The following CDH18 variants were observed in gnomAD, a reference collection of about 807,000 sequenced individuals.
CDH18 encodes the protein cadherin 18, also known as cadherin-18.
CDH18 carries 31 observed loss-of-function variants against 67.9 expected under a neutral mutation model. That is an observed-to-expected ratio of 0.46 (90% CI 0.34 to 0.62). CDH18 has a LOEUF of 0.62. Ranked by LOEUF, CDH18 falls within the 20% of genes least tolerant of loss-of-function variation. CDH18 has a pLI of 0.01. For missense variants in CDH18, 890 were observed against 975.5 expected, an observed-to-expected ratio of 0.91 and a Z score of 1.17; for synonymous variants, 362 against 347.2, an observed-to-expected ratio of 1.04 and a Z score of -0.48.
chr5:19,514,943 T>C (rs182658483), intron 10 of CDH18, among the ~76,000 whole-genome samples: 3,636 of 152,264 alleles, frequency 0.024, 71 homozygotes, highest in Non-Finnish European at 0.037. Context: ...CTGAATGGAA[T>C]TGCCTAGGTT....
At chr5:20,239,730 T>C (rs569085360) in intron 2 of CDH18, among the ~76,000 whole-genome samples, 5 of 152,230 alleles carry the variant, frequency 3.3e-5, no homozygotes, top group Middle Eastern at 3.4e-3. Flanking sequence ...ATATTTATAG[T>C]TAAGTGAGAA....
chr5:20,135,958 A>G (rs2126498271), intron 2 of CDH18, among the ~76,000 whole-genome samples: 2 of 152,282 alleles, frequency 1.3e-5, no homozygotes, highest in East Asian at 3.9e-4. Flanking sequence ...TCTGAGAGAC[A>G]GTTTGTTATA....
intron 1 of CDH18, among the ~76,000 whole-genome samples, chr5:20,434,810 C>T (rs557434778): frequency 5.3e-5 from 8 of 151,874 alleles, no homozygotes; most frequent in Non-Finnish European, 7.4e-5. Context: ...GTTTCAGAGA[C>T]GCCACAAGCA....
intron 5 of CDH18, among the ~76,000 whole-genome samples, chr5:19,719,903 GAGAA>G (rs35867851): frequency 0.13 from 16,714 of 130,776 alleles, 1,116 homozygotes; most frequent in Admixed American, 0.17. Context: ...AGTTAAGCAA[GAGAA>G]AGAAAGAAAG....
At chr5:20,218,900 C>A (rs1740996980) in intron 2 of CDH18, among the ~76,000 whole-genome samples, 1 of 151,450 alleles carries the variant, frequency 6.6e-6, no homozygotes, top group South Asian at 2.1e-4. Context: ...GAGTTTATAG[C>A]AATAAGTGCC....
intron 1 of CDH18, among the ~76,000 whole-genome samples, chr5:20,540,501 T>C (rs1756994908): frequency 6.6e-6 from 1 of 152,178 alleles, no homozygotes; most frequent in African/African-American, 2.4e-5. Flanking sequence ...GTAATAAAAC[T>C]CTGTGATAGC....
chr5:20,185,863 C>G (rs1233096835), intron 2 of CDH18, among the ~76,000 whole-genome samples: 1 of 91,098 alleles, frequency 1.1e-5, no homozygotes, highest in East Asian at 3.8e-4. Context: ...CTAAATTTAT[C>G]TATTTTTTTT....
intron 8 of CDH18, among the ~76,000 whole-genome samples, chr5:19,559,477 C>A (rs182032003): frequency 6.6e-5 from 10 of 152,096 alleles, no homozygotes; most frequent in East Asian, 3.9e-4. Context: ...ATCCAGCATC[C>A]TTTTATGGTT....
At chr5:19,473,854 ACT>A (rs1350961758) in intron 12 of CDH18, 138 bp from the exon 13 acceptor site, 3 of 714,056 alleles carry the variant, frequency 4.2e-6, no homozygotes, top group Non-Finnish European at 7.1e-6. Context: ...AGCACAACTC[ACT>A]CTGTGCTCTC....
At chr5:20,520,051 C>G (rs1013608577) in intron 1 of CDH18, among the ~76,000 whole-genome samples, 1 of 135,648 alleles carries the variant, frequency 7.4e-6, no homozygotes, top group East Asian at 2.4e-4. Flanking sequence ...TCTGACCCCT[C>G]GGTCTTCCAA....
chr5:20,571,717 A>G (rs150532902), intron 1 of CDH18, among the ~76,000 whole-genome samples: 2 of 152,290 alleles, frequency 1.3e-5, no homozygotes, highest in East Asian at 3.9e-4. Context: ...TTATTTGAGC[A>G]ACTTCTACAC....
chr5:19,620,140 G>T (rs1404709370), intron 5 of CDH18, among the ~76,000 whole-genome samples: 2 of 152,162 alleles, frequency 1.3e-5, no homozygotes, highest in Non-Finnish European at 2.9e-5. Context: ...TTAGTAGGAA[G>T]ATTCAATACT....
intron 7 of CDH18, among the ~76,000 whole-genome samples, chr5:19,584,415 T>C (rs142721577): frequency 6.6e-6 from 1 of 152,186 alleles, no homozygotes; most frequent in East Asian, 1.9e-4. Context: ...GCCTTAGAGA[T>C]TAAATAAGGA....
intron 5 of CDH18, among the ~76,000 whole-genome samples, chr5:19,651,799 A>G (rs1037311760): frequency 2.0e-5 from 3 of 152,092 alleles, no homozygotes; most frequent in Admixed American, 6.6e-5. Context: ...ATTTTTTGAA[A>G]ACTAGAATTT....
intron 2 of CDH18, among the ~76,000 whole-genome samples, chr5:20,014,976 C>A (rs1484603419): frequency 6.6e-6 from 1 of 152,012 alleles, no homozygotes; most frequent in Non-Finnish European, 1.5e-5. Context: ...GAGGGAGGAG[C>A]TTTGGACTTC....
intron 5 of CDH18, among the ~76,000 whole-genome samples, chr5:19,631,005 A>T (rs1752343616): frequency 6.6e-6 from 1 of 151,926 alleles, no homozygotes. Context: ...AGCACCTTTC[A>T]CTGCTTATTT....
At chr5:20,151,409 T>C (rs1352405795) in intron 2 of CDH18, among the ~76,000 whole-genome samples, 1 of 152,162 alleles carries the variant, frequency 6.6e-6, no homozygotes, top group East Asian at 1.9e-4. Flanking sequence ...CCTAGGTTTA[T>C]TCCATGTCTT....
intron 1 of CDH18, among the ~76,000 whole-genome samples, chr5:20,528,101 G>T (rs1000515714): frequency 1.3e-5 from 2 of 151,856 alleles, no homozygotes; most frequent in African/African-American, 4.8e-5. Context: ...AAAAAAGTGG[G>T]GGTTGCAATC....
intron 1 of CDH18, among the ~76,000 whole-genome samples, chr5:20,418,242 A>ATTTTTTTTTTT (rs58308147): frequency 0.11 from 6,440 of 56,568 alleles, 1,182 homozygotes; most frequent in East Asian, 0.16. Context: ...CTGCTGGCTA[A>ATTTTTTTTTTT]TTTTTTTTTT....
Sources: gnomAD v4.1 joint callset for allele counts (sites outside exome capture counted in the v4.1 genomes callset) on GRCh38, gnomAD v4.1.1 for gene constraint, MANE v1.5 for transcripts, NCBI Gene and HGNC (gene_info 2026-07-23, HGNC 2026-07-21) for gene names.